Variants in RAD54B observed in about 807,000 individuals in gnomAD.
RAD54B encodes the protein DNA repair and recombination protein RAD54B.
RAD54B carries 78 observed loss-of-function variants against 95.8 expected under a neutral mutation model. The ratio of observed to expected loss-of-function variants is 0.81; its 90% CI spans 0.68 to 0.98. The LOEUF (loss-of-function observed/expected upper bound fraction) is 0.98. Ranked by LOEUF, RAD54B falls within the 50% of genes least tolerant of loss-of-function variation. RAD54B has a pLI of 0.00. For synonymous variants in RAD54B, 328 were observed against 354.9 expected, an observed-to-expected ratio of 0.92 and a Z score of 0.85; for missense variants, 957 against 1,056.6, an observed-to-expected ratio of 0.91 and a Z score of 1.31.
chr8:94,381,357 T>G (rs1377027898), intron 11 of RAD54B, among the ~76,000 whole-genome samples: 1 of 152,158 alleles, frequency 6.6e-6, no homozygotes, highest in African/African-American at 2.4e-5. Flanking sequence ...CAATGATGAT[T>G]ATTAGTCAAC....
chr8:94,427,380 CA>C (rs1811969032), intron 3 of RAD54B, among the ~76,000 whole-genome samples: 2 of 151,898 alleles, frequency 1.3e-5, no homozygotes, highest in African/African-American at 4.8e-5. Context: ...AACAATTTCT[CA>C]AAATCGTATA....
At chr8:94,399,357 G>A in intron 8 of RAD54B, 57 bp downstream of exon 8, 1 of 1,346,146 alleles carries the variant, frequency 7.4e-7, no homozygotes, top group Non-Finnish European at 1.1e-6. Context: ...CATAGTACAA[G>A]TCTGTATGTT....
chr8:94,436,602 G>A, intron 3 of RAD54B: 1 of 1,550,338 alleles, frequency 6.5e-7, no homozygotes. Flanking sequence ...AATCTGATTG[G>A]GTCTCTTTTT....
chr8:94,420,275 T>TTA (rs1563649917), intron 3 of RAD54B, among the ~76,000 whole-genome samples: 1 of 113,686 alleles, frequency 8.8e-6, no homozygotes, highest in African/African-American at 3.3e-5. Flanking sequence ...TTTTTTTTTT[T>TTA]AAGACAGAGT....
chr8:94,465,361 A>AT lies in RAD54B; in HGVS notation c.135+2043dup, dbSNP rs1229785886. Reference sequence around the variant, plus strand: ...AACCAGGCAAAGACCTTAAATAGACATTTTTCCAAAGATATACAAATGGCC... The same window carrying AT: ...AACCAGGCAAAGACCTTAAATAGACATTTTTTCCAAAGATATACAAATGGCC... On this transcript the variant is annotated intron_variant, in intron 2 of 14. Transcript: ENST00000336148. Among the ~76,000 whole-genome samples, 3 of 152,164 alleles carry AT rather than the reference A, an allele frequency of 2.0e-5. No homozygotes were observed. The East Asian group carries it at 5.8e-4, about 29-fold the overall frequency.
At chr8:94,448,681 T>C (rs562956264) in intron 3 of RAD54B, among the ~76,000 whole-genome samples, 194 of 129,578 alleles carry the variant, frequency 1.5e-3, no homozygotes, top group African/African-American at 6.0e-3. Flanking sequence ...ACGTTATATG[T>C]GGAATGTTAC....
intron 1 of RAD54B, among the ~76,000 whole-genome samples, chr8:94,471,193 A>G (rs1180694006): frequency 4.0e-5 from 6 of 150,760 alleles, no homozygotes; most frequent in Non-Finnish European, 8.8e-5. Context: ...CGTACAATTC[A>G]TCAGTATATC....
At chr8:94,440,698 C>T (rs1190104826) in intron 3 of RAD54B, among the ~76,000 whole-genome samples, 1 of 152,120 alleles carries the variant, frequency 6.6e-6, no homozygotes, top group Non-Finnish European at 1.5e-5. Context: ...AGTTTCTCCC[C>T]ACACACCAAG....
At chr8:94,425,082 T>C (rs1164041402) in intron 3 of RAD54B, among the ~76,000 whole-genome samples, 1 of 117,358 alleles carries the variant, frequency 8.5e-6, no homozygotes, top group African/African-American at 3.2e-5. Flanking sequence ...AAAAAAAAAA[T>C]TCATAAGGGC....
rs1038352993 is a variant in RAD54B, at chr8:94,372,293, C to T, written c.2610G>A (p.Gln870=). Residue 870 remains glutamine, a synonymous_variant, in exon 15 of 15, where the codon CAG becomes CAA. Coordinates refer to ENST00000336148, the MANE Select transcript of RAD54B (RefSeq NM_012415.3). Reference sequence around the variant, plus strand: ...CAGAAAAATGTTTCCATTGCTTCAGCTGGGACATAGAAAGAGGTTTCAGGG... The same window carrying T: ...CAGAAAAATGTTTCCATTGCTTCAGTTGGGACATAGAAAGAGGTTTCAGGG... The part of the protein sequence containing the change: ...SNSLKPLSMS[Q]LKQWKHFSGD... 1.2e-6 allele frequency: 2 copies of T among 1,613,750 alleles called. No individual in the cohort carries two copies. Among genetic ancestry groups the T allele is most frequent in the East Asian group, 4.5e-5 (2 of 44,796 alleles).
At chr8:94,443,558 G>A (rs1003633994) in intron 3 of RAD54B, among the ~76,000 whole-genome samples, 4 of 150,728 alleles carry the variant, frequency 2.7e-5, no homozygotes, top group Non-Finnish European at 4.4e-5. Context: ...CGGCTAACCC[G>A]AGATGGATGC....
At chr8:94,435,347 C>T (rs2130117270) in intron 3 of RAD54B, among the ~76,000 whole-genome samples, 1 of 152,092 alleles carries the variant, frequency 6.6e-6, no homozygotes, top group South Asian at 2.1e-4. Flanking sequence ...AAGCTAGGCT[C>T]AAAAATACTT....
intron 8 of RAD54B, among the ~76,000 whole-genome samples, chr8:94,395,346 C>T (rs1321376937): frequency 6.6e-6 from 1 of 152,026 alleles, no homozygotes; most frequent in Non-Finnish European, 1.5e-5. Flanking sequence ...GCAAGAATGG[C>T]CTCAGCTATA....
intron 3 of RAD54B, among the ~76,000 whole-genome samples, chr8:94,425,287 T>C (rs1811916932): frequency 6.8e-6 from 1 of 146,624 alleles, no homozygotes; most frequent in Non-Finnish European, 1.5e-5. Flanking sequence ...ACTCCTGGAC[T>C]CAAGCAATCC....
intron 3 of RAD54B, among the ~76,000 whole-genome samples, chr8:94,421,271 G>A (rs948752977): frequency 3.3e-5 from 5 of 152,086 alleles, no homozygotes; most frequent in Non-Finnish European, 7.4e-5. Flanking sequence ...TAGAAATACT[G>A]AACTATACTT....
At chr8:94,389,429 A>T (rs10102233) in intron 10 of RAD54B, among the ~76,000 whole-genome samples, 58,508 of 152,044 alleles carry the variant, frequency 0.38, 11,423 homozygotes, top group Admixed American at 0.5. Flanking sequence ...GGATATTATA[A>T]TATGTACCAC....
At chr8:94,426,334 C>A (rs1211139532) in intron 3 of RAD54B, among the ~76,000 whole-genome samples, 2 of 151,462 alleles carry the variant, frequency 1.3e-5, no homozygotes, top group Non-Finnish European at 2.9e-5. Flanking sequence ...TAGAAAATGT[C>A]TGGCAATTTC....
Position 94,414,641 on chromosome 8 carries a change from G to A in RAD54B, c.305-3326C>T, listed in dbSNP as rs113491448. Reference sequence around the variant, plus strand: ...TGCTGGATTATATTTATTGATTTGCGTATATTGAACCAGCCTTGCAGCAAA... The same window carrying A: ...TGCTGGATTATATTTATTGATTTGCATATATTGAACCAGCCTTGCAGCAAA... On this transcript the variant is annotated intron_variant, in intron 3 of 14. Coordinates refer to ENST00000336148, the MANE Select transcript of RAD54B (RefSeq NM_012415.3). 5.7e-3 allele frequency among the ~76,000 whole-genome samples: 870 copies of A among 152,120 alleles called. 3 individuals carry two copies. Among genetic ancestry groups the A allele is most frequent in the Non-Finnish European group, 8.6e-3 (584 of 67,998 alleles).
intron 3 of RAD54B, chr8:94,432,379 GAA>G: frequency 6.5e-7 from 1 of 1,550,184 alleles, no homozygotes; most frequent in South Asian, 1.2e-5. Flanking sequence ...CTCTCATGCC[GAA>G]AAAAATCATC....
Sources: allele counts gnomAD v4.1 joint callset (sites outside exome capture counted in the v4.1 genomes callset), GRCh38; gene constraint gnomAD v4.1.1; transcripts MANE v1.5; gene names NCBI Gene and HGNC (gene_info 2026-07-23, HGNC 2026-07-21).